Variants in ATRNL1 observed in about 807,000 individuals in gnomAD.
ATRNL1 encodes the protein attractin-like protein 1.
ATRNL1 carries 95 observed loss-of-function variants against 182.7 expected under a neutral mutation model. That is an observed-to-expected ratio of 0.52 (90% CI 0.44 to 0.62). The LOEUF is 0.62. Among genes scored for constraint, ATRNL1 ranks in the 20% least tolerant of loss-of-function variants. The probability of loss-of-function intolerance (pLI) is 0.00; values close to 1 mark genes in which losing one functional copy is unlikely to be tolerated. For missense variants in ATRNL1, 1,471 were observed against 1,679.5 expected, an observed-to-expected ratio of 0.88 and a Z score of 2.17; for synonymous variants, 576 against 568.3, an observed-to-expected ratio of 1.01 and a Z score of -0.19.
At chr10:115,896,120 T>C (rs1161673178) in intron 28 of ATRNL1, among the ~76,000 whole-genome samples, 1 of 152,206 alleles carries the variant, frequency 6.6e-6, no homozygotes, top group African/African-American at 2.4e-5. Flanking sequence ...TCTAACACGT[T>C]CAGCAGACTG....
intron 26 of ATRNL1, among the ~76,000 whole-genome samples, chr10:115,626,830 G>T (rs1858135623): frequency 6.6e-6 from 1 of 152,088 alleles, no homozygotes; most frequent in South Asian, 2.1e-4. Flanking sequence ...AGTAGCATCT[G>T]CATATGAGCC....
intron 28 of ATRNL1, chr10:115,909,270 C>A (rs1428364661): frequency 2.0e-5 from 3 of 152,158 alleles, no homozygotes; most frequent in Non-Finnish European, 4.4e-5. Context: ...TCCTCCTCCG[C>A]ATATTCCTTA....
At chr10:115,369,591 G>A (rs1554947391) in intron 19 of ATRNL1, among the ~76,000 whole-genome samples, 2 of 152,128 alleles carry the variant, frequency 1.3e-5, no homozygotes, top group Non-Finnish European at 2.9e-5. Context: ...TATATACACA[G>A]TAGTGGGATT....
chr10:115,374,465 C>CTTCCTTCA (rs1189620717), intron 19 of ATRNL1, among the ~76,000 whole-genome samples: 286 of 143,530 alleles, frequency 2.0e-3, no homozygotes, highest in African/African-American at 6.9e-3. Context: ...TCCTTCCTTC[C>CTTCCTTCA]TTCCTTCCTT....
At chr10:115,597,039 C>G (rs1173467777) in intron 26 of ATRNL1, among the ~76,000 whole-genome samples, 5 of 152,066 alleles carry the variant, frequency 3.3e-5, no homozygotes, top group Non-Finnish European at 7.4e-5. Context: ...ATTCACAGCT[C>G]ACATCTAACA....
chr10:115,443,881 C>G (rs190186237), intron 21 of ATRNL1, among the ~76,000 whole-genome samples: 1 of 152,056 alleles, frequency 6.6e-6, no homozygotes, highest in African/African-American at 2.4e-5. Context: ...CTTCTGAATT[C>G]TCTATGCCTC....
At chr10:115,356,782 A>C (rs1856523108) in intron 19 of ATRNL1, among the ~76,000 whole-genome samples, 1 of 151,878 alleles carries the variant, frequency 6.6e-6, no homozygotes, top group Non-Finnish European at 1.5e-5. Flanking sequence ...TTGCTATTTG[A>C]ATAGTGATTT....
At chr10:115,716,780 A>G (rs1947265393) in intron 26 of ATRNL1, among the ~76,000 whole-genome samples, 1 of 152,166 alleles carries the variant, frequency 6.6e-6, no homozygotes, top group Admixed American at 6.5e-5. Context: ...TGACTTGATC[A>G]TATTGTACAC....
chr10:115,449,830 A>G (rs1847198744), intron 21 of ATRNL1, among the ~76,000 whole-genome samples: 1 of 152,222 alleles, frequency 6.6e-6, no homozygotes. Context: ...AAAACCTGGC[A>G]GAGACACAAC....
At chr10:115,173,001 A>T (rs1046986928) in intron 8 of ATRNL1, among the ~76,000 whole-genome samples, 1 of 151,752 alleles carries the variant, frequency 6.6e-6, no homozygotes, top group Non-Finnish European at 1.5e-5. Flanking sequence ...TCTCTCCTCA[A>T]GTTTCAAACA....
At chr10:115,786,621 A>C (rs1555080478) in intron 27 of ATRNL1, among the ~76,000 whole-genome samples, 1 of 152,152 alleles carries the variant, frequency 6.6e-6, no homozygotes, top group Non-Finnish European at 1.5e-5. Context: ...CCTCATCTTA[A>C]TTAATTATAT....
rs1554929059 is a variant in ATRNL1 at position 115,314,870 on chromosome 10, A to G, written c.2819-648A>G. Among the ~76,000 whole-genome samples, 5 of 152,196 alleles carry G rather than the reference A, an allele frequency of 3.3e-5. 1 individual carries two copies. In the South Asian group the frequency reaches 6.2e-4, roughly 19 times the overall value. ...ATCTGCAAATGAGTCATGGAGTGTT[A>G]TTTTATAGCCCTGAAAACTAGAATG... On this transcript the variant is annotated intron_variant, in intron 17 of 28. Coordinates refer to ENST00000355044, the MANE Select transcript of ATRNL1 (RefSeq NM_207303.4).
At chr10:115,120,417 A>G (rs891029538) in intron 2 of ATRNL1, 149 bp downstream of exon 2, 13 of 427,296 alleles carry the variant, frequency 3.0e-5, no homozygotes, top group Non-Finnish European at 3.8e-5. Flanking sequence ...CATCACATTT[A>G]ATGTAAATTA....
chr10:115,582,737 C>G (rs1855210191), intron 26 of ATRNL1, among the ~76,000 whole-genome samples: 1 of 149,504 alleles, frequency 6.7e-6, no homozygotes, highest in African/African-American at 2.4e-5. Flanking sequence ...TGTGCAGAAG[C>G]TCTTGAGTTT....
intron 19 of ATRNL1, among the ~76,000 whole-genome samples, chr10:115,342,313 A>G (rs1315262114): frequency 1.3e-5 from 2 of 151,098 alleles, no homozygotes; most frequent in Admixed American, 6.6e-5. Context: ...TCCTGGTGAT[A>G]TGATATAGTT....
At chr10:115,181,047 G>C (rs145700358) in intron 8 of ATRNL1, among the ~76,000 whole-genome samples, 160 of 151,982 alleles carry the variant, frequency 1.1e-3, no homozygotes, top group Non-Finnish European at 1.9e-3. Flanking sequence ...GAGTTAATGG[G>C]CTGTAATTTT....
chr10:115,710,045 A>G (rs1947017406), intron 26 of ATRNL1, among the ~76,000 whole-genome samples: 1 of 152,046 alleles, frequency 6.6e-6, no homozygotes, highest in Non-Finnish European at 1.5e-5. Flanking sequence ...TTAGCAAAGC[A>G]TCTTGCATTG....
chr10:115,153,585 A>G (rs1418634424), intron 5 of ATRNL1, among the ~76,000 whole-genome samples: 6 of 151,798 alleles, frequency 4.0e-5, no homozygotes, highest in South Asian at 2.1e-4. Flanking sequence ...TATTGCATCT[A>G]TTTGATTCTT....
At chr10:115,920,152 C>T (rs1953005800) in intron 28 of ATRNL1, among the ~76,000 whole-genome samples, 1 of 152,210 alleles carries the variant, frequency 6.6e-6, no homozygotes, top group Admixed American at 6.5e-5. Flanking sequence ...GGACAGCATT[C>T]TTGTCACATT....
Sources: gnomAD v4.1 joint callset for allele counts (sites outside exome capture counted in the v4.1 genomes callset) on GRCh38, gnomAD v4.1.1 for gene constraint, MANE v1.5 for transcripts, NCBI Gene and HGNC (gene_info 2026-07-23, HGNC 2026-07-21) for gene names.